The following PLXNC1 variants were observed in gnomAD, a reference collection of about 807,000 sequenced individuals.
PLXNC1 encodes the protein plexin C1.
PLXNC1 carries 75 observed loss-of-function variants against 178.2 expected under a neutral mutation model. The ratio of observed to expected loss-of-function variants is 0.42; its 90% confidence interval spans 0.35 to 0.51. The LOEUF (loss-of-function observed/expected upper bound fraction) is 0.51, where lower values mean the gene tolerates loss of function less well. Among genes scored for constraint, PLXNC1 ranks in the 20% least tolerant of loss-of-function variants. PLXNC1 has a pLI of 0.02. For synonymous variants in PLXNC1, 790 were observed against 779.9 expected, an observed-to-expected ratio of 1.01 and a Z score of -0.22; for missense variants, 1,503 against 1,984.4, an observed-to-expected ratio of 0.76 and a Z score of 4.61.
intron 4 of PLXNC1, among the ~76,000 whole-genome samples, chr12:94,191,778 A>AAG (rs1313275259): frequency 6.6e-6 from 1 of 151,694 alleles, no homozygotes; most frequent in Non-Finnish European, 1.5e-5. Flanking sequence ...TCAAAAAAAA[A>AAG]AAGGGAATAG....
In PLXNC1 at chr12:94,238,585, G is replaced by A. The variant is rs181371435; in HGVS notation, c.2120+782G>A. 1.5e-3 allele frequency among the ~76,000 whole-genome samples: 227 copies of A among 152,022 alleles called. 1 individual carries two copies. The highest frequency in any genetic ancestry group is 5.4e-3 in the African/African-American group (222 of 41,462). On this transcript the variant is annotated intron_variant, in intron 10 of 30. Coordinates refer to ENST00000258526, the MANE Select transcript of PLXNC1 (RefSeq NM_005761.3). ...AACTCATATAAGTTTGGGCTAATTTGAAGTAAAAGATGTTACAGTCTACAT... is the reference window on the plus strand; with the variant it reads ...AACTCATATAAGTTTGGGCTAATTTAAAGTAAAAGATGTTACAGTCTACAT...
chr12:94,258,632 G>C (rs974879801), intron 17 of PLXNC1, among the ~76,000 whole-genome samples: 7 of 152,170 alleles, frequency 4.6e-5, no homozygotes, highest in Non-Finnish European at 1.0e-4. Context: ...TGGGGTGATA[G>C]CATTGTGGTC....
At chr12:94,231,908 T>C (rs1964114660) in intron 9 of PLXNC1, among the ~76,000 whole-genome samples, 1 of 152,198 alleles carries the variant, frequency 6.6e-6, no homozygotes, top group Non-Finnish European at 1.5e-5. Flanking sequence ...CCCCTCTCTT[T>C]TGTGCATTCA....
Position 94,169,244 on chromosome 12 carries a change from T to C in PLXNC1, c.1154T>C (p.Met385Thr), listed in dbSNP as rs750212729. 8 of 1,614,148 alleles carry C rather than the reference T, an allele frequency of 5.0e-6. No individual in the cohort carries two copies. The highest frequency in any genetic ancestry group is 1.7e-5 in the Admixed American group (1 of 60,030). Residue 385 changes from methionine to threonine, a missense_variant, in exon 2 of 31, where the codon ATG becomes ACG. By Grantham distance (81) the Met-to-Thr change is moderately conservative (BLOSUM62 -1). Around this residue, in one of 4 missense-constraint regions of PLXNC1, gnomAD observed 615 missense variants for 698.6 expected, o/e 0.88. Coordinates refer to ENST00000258526, the MANE Select transcript of PLXNC1 (RefSeq NM_005761.3). The stretch of plus-strand genomic sequence containing the variant: ...ACATCCGTTTATGGCACCGTGGTAA[T>C]GAACAGGACTGTTTTATTCTTGGGG... ...DLTSVYGTVV[M>T]NRTVLFLGTG...
In PLXNC1 at chr12:94,294,467, CTT is replaced by C; in HGVS notation, c.3880-16_3880-15del. The C allele has an allele frequency of 8.6e-7, 1 of 1,161,224 alleles. No individual in the cohort carries two copies. The highest frequency in any genetic ancestry group is 1.3e-6 in the Non-Finnish European group (1 of 784,058). The allele number at this position is 1,161,224 out of a possible 1,614,324, so 71.9% of individuals were successfully genotyped here. On this transcript the variant is annotated splice_polypyrimidine_tract_variant and intron_variant, in intron 23 of 30. Transcript: ENST00000258526. ...CATTAAATTTTGAACACTCATATAT[CTT>C]TTATCTTTGGTTTCAGATATCAAAT... is the stretch of plus-strand genomic sequence containing the variant.
rs1965030451 is a variant in PLXNC1, at chr12:94,262,706, G to C, written c.3450+1866G>C. On this transcript the variant is annotated intron_variant, in intron 20 of 30. Transcript: ENST00000258526. The stretch of plus-strand genomic sequence containing the variant: ...GGGGTCTGGGACACCGACAGCCCTA[G>C]TCCTCCTGTCCTACCCCACAGACGT... 7 of 985,336 alleles carry C rather than the reference G, an allele frequency of 7.1e-6. No homozygotes were observed. In the South Asian group the frequency reaches 3.3e-4, roughly 46 times the overall value. 61.0% of individuals were successfully genotyped at this position (985,336 alleles called of 1,614,324 possible).
chr12:94,188,289 G>A (rs1298222278), intron 4 of PLXNC1, among the ~76,000 whole-genome samples: 3 of 149,400 alleles, frequency 2.0e-5, no homozygotes, highest in African/African-American at 4.9e-5. Flanking sequence ...CACTGAAAGC[G>A]AAAGTAGAGT....
chr12:94,241,217 A>C (rs1000748626), intron 11 of PLXNC1, among the ~76,000 whole-genome samples: 15 of 152,006 alleles, frequency 9.9e-5, no homozygotes, highest in African/African-American at 3.6e-4. Flanking sequence ...TATTTTTTGC[A>C]TTTTCATGGG....
intron 15 of PLXNC1, among the ~76,000 whole-genome samples, chr12:94,251,810 G>A (rs1408015681): frequency 6.6e-6 from 1 of 152,166 alleles, no homozygotes; most frequent in African/African-American, 2.4e-5. Context: ...TGGCCAACAT[G>A]GCAAAACCCC....
chr12:94,187,174 A>AAG (rs755091519), intron 4 of PLXNC1, among the ~76,000 whole-genome samples: 2,130 of 105,892 alleles, frequency 0.02, 44 homozygotes, highest in African/African-American at 0.049. Flanking sequence ...TCAGGCAGGA[A>AAG]AGAGAGAGAG....
chr12:94,305,117 G>T, intron 30 of PLXNC1, 64 bp from the exon 31 acceptor site: 6 of 975,290 alleles, frequency 6.2e-6, no homozygotes, highest in Non-Finnish European at 9.6e-6. Flanking sequence ...CATCAGGTAT[G>T]CAAAAAACAG....
intron 5 of PLXNC1, among the ~76,000 whole-genome samples, chr12:94,217,105 C>T (rs1454890204): frequency 6.6e-6 from 1 of 152,236 alleles, no homozygotes; most frequent in Non-Finnish European, 1.5e-5. Context: ...CCAGTGTTCC[C>T]CTGAACCTGT....
Position 94,248,411 on chromosome 12 carries a change from G to A in PLXNC1, c.2777G>A (p.Arg926Gln), listed in dbSNP as rs753617960. The change falls in exon 14 of 31, where the codon CGG (arginine) becomes CAG (glutamine). Residue 926 changes from arginine (R) to glutamine (Q), a missense_variant and splice_region_variant. Transcript: ENST00000258526. ...STIANSSKKV[R>Q]VKLGNLELYV... ...ATTGCCAACTCTTCTAAGAAAGTTC[G>A]GGTAAGTGACCTGGCAGTCCCACCT... The A allele has an allele frequency of 6.3e-6, 10 of 1,595,786 alleles. No individual in the cohort carries two copies. The highest frequency in any genetic ancestry group is 3.4e-6 in the Non-Finnish European group (4 of 1,171,736).
intron 17 of PLXNC1, among the ~76,000 whole-genome samples, chr12:94,255,523 A>G (rs1303076375): frequency 6.6e-6 from 1 of 152,240 alleles, no homozygotes; most frequent in Non-Finnish European, 1.5e-5. Context: ...CCCAGTAACA[A>G]AAACCTAGGA....
intron 27 of PLXNC1, among the ~76,000 whole-genome samples, chr12:94,300,202 T>C (rs1430347785): frequency 2.0e-5 from 3 of 152,088 alleles, no homozygotes; most frequent in Non-Finnish European, 4.4e-5. Context: ...ATGCAAACAG[T>C]AGCACATTAG....
At position 94,259,318 on chromosome 12, in the gene PLXNC1, AG is replaced by A. The variant is rs1404835720; in HGVS notation, c.3088-18del. The A allele has an allele frequency of 1.3e-6, 2 of 1,567,924 alleles. No individual in the cohort carries two copies. Among genetic ancestry groups the A allele is most frequent in the African/African-American group, 2.7e-5 (2 of 73,408 alleles). On this transcript the variant is annotated intron_variant, in intron 17 of 30. Coordinates refer to ENST00000258526, the MANE Select transcript of PLXNC1 (RefSeq NM_005761.3). The stretch of plus-strand genomic sequence containing the variant: ...TCCTTTGGATGTTATGAATAATAAA[AG>A]TGTCTCCTTCCTCTCAGTCAGGTGG...
At chr12:94,200,029 G>A (rs1311533429) in intron 4 of PLXNC1, among the ~76,000 whole-genome samples, 4 of 152,266 alleles carry the variant, frequency 2.6e-5, no homozygotes, top group South Asian at 4.2e-4. Flanking sequence ...TCTTGACCTC[G>A]TGATCCCCCT....
At chr12:94,169,065 G>A in intron 1 of PLXNC1, 88 bp from the exon 2 acceptor site, 2 of 1,207,168 alleles carry the variant, frequency 1.7e-6, no homozygotes, top group East Asian at 2.6e-5. Context: ...CTGCCTAGGA[G>A]GGCATGAGTG....
intron 20 of PLXNC1, among the ~76,000 whole-genome samples, chr12:94,263,359 C>G (rs1965056901): frequency 6.6e-6 from 1 of 152,168 alleles, no homozygotes; most frequent in African/African-American, 2.4e-5. Flanking sequence ...AGGGTTAGAC[C>G]CAGGAGCATG....
Sources: gnomAD v4.1 joint callset for allele counts (sites outside exome capture counted in the v4.1 genomes callset) on GRCh38, gnomAD v4.1.1 for gene constraint, gnomAD v4.1.1 regional missense constraint, MANE v1.5 for transcripts, NCBI Gene and HGNC (gene_info 2026-07-23, HGNC 2026-07-21) for gene names.